The following RAB7A variants were observed in gnomAD, a reference collection of about 807,000 sequenced individuals.
RAB7A encodes ras-related protein Rab-7a.
In RAB7A, 2 loss-of-function variants were observed where a neutral mutation model predicts 24.5. That is an observed-to-expected ratio of 0.08 (90% CI 0.03 to 0.26). RAB7A has a LOEUF of 0.26. Among genes scored for constraint, RAB7A ranks in the 10% least tolerant of loss-of-function variants. The pLI, the probability that RAB7A is intolerant of heterozygous loss-of-function variation, is 1.00. For synonymous variants in RAB7A, 100 were observed against 95.9 expected (o/e 1.04, Z -0.25); for missense variants, 118 against 255.7 (o/e 0.46, Z 3.67).
intron 1 of RAB7A, among the ~76,000 whole-genome samples, chr3:128,789,783 G>C (rs1410163682): frequency 6.8e-6 from 1 of 147,998 alleles, no homozygotes; most frequent in African/African-American, 2.5e-5. Context: ...AGTGTGTTTT[G>C]TTCCTGGCTT....
At chr3:128,796,549 TAAC>T (rs1395530567) in intron 2 of RAB7A, among the ~76,000 whole-genome samples, 1 of 152,204 alleles carries the variant, frequency 6.6e-6, no homozygotes, top group East Asian at 1.9e-4. Context: ...TTTTTAAAAA[TAAC>T]AACAATAGCA....
chr3:128,803,610 TATC>T (rs1334019533), intron 3 of RAB7A, among the ~76,000 whole-genome samples: 5 of 152,224 alleles, frequency 3.3e-5, no homozygotes, highest in South Asian at 2.1e-4. Flanking sequence ...TAATGAGAGT[TATC>T]ATTGCAGCCT....
chr3:128,812,470 T>G (rs146254974), intron 5 of RAB7A, among the ~76,000 whole-genome samples: 1 of 152,226 alleles, frequency 6.6e-6, no homozygotes, highest in Non-Finnish European at 1.5e-5. Context: ...TTTATAGTTA[T>G]TGTGAATGGA....
intron 1 of RAB7A, among the ~76,000 whole-genome samples, chr3:128,760,183 AG>A (rs1451582075): frequency 6.6e-6 from 1 of 152,156 alleles, no homozygotes; most frequent in Non-Finnish European, 1.5e-5. Context: ...TGCTTAGAGA[AG>A]GAGGCTGAGC....
chr3:128,773,436 C>G (rs1158991354), intron 1 of RAB7A, among the ~76,000 whole-genome samples: 1 of 151,078 alleles, frequency 6.6e-6, no homozygotes, highest in Non-Finnish European at 1.5e-5. Flanking sequence ...GGGGGCAGCC[C>G]CCGCCCGGCC....
At chr3:128,805,887 G>C (rs568843249) in intron 3 of RAB7A, among the ~76,000 whole-genome samples, 1 of 152,072 alleles carries the variant, frequency 6.6e-6, no homozygotes, top group Non-Finnish European at 1.5e-5. Context: ...CCTGACCTCC[G>C]GTGATCCACT....
At chr3:128,735,399 A>C (rs761195029) in intron 1 of RAB7A, among the ~76,000 whole-genome samples, 3 of 152,250 alleles carry the variant, frequency 2.0e-5, no homozygotes, top group Non-Finnish European at 4.4e-5. Flanking sequence ...ATTTAAGTTC[A>C]ACCAAGTGGC....
chr3:128,756,767 A>C (rs1381539083), intron 1 of RAB7A, among the ~76,000 whole-genome samples: 1 of 152,112 alleles, frequency 6.6e-6, no homozygotes, highest in Non-Finnish European at 1.5e-5. Flanking sequence ...CTGCAAAGCT[A>C]CACCAATGAA....
chr3:128,809,756 A>G (rs9853930), intron 5 of RAB7A, among the ~76,000 whole-genome samples: 40,948 of 151,466 alleles, frequency 0.27, 6,999 homozygotes, highest in African/African-American at 0.48. Context: ...GAAATCATTC[A>G]GCTATGTTAC....
intron 1 of RAB7A, chr3:128,748,865 A>T (rs6789176): frequency 0.28 from 42,011 of 152,046 alleles, 7,455 homozygotes; most frequent in African/African-American, 0.5. Context: ...CACAAAGGTC[A>T]GTCTGACAAA....
chr3:128,791,804 G>A (rs557310039), intron 1 of RAB7A, among the ~76,000 whole-genome samples: 3 of 152,224 alleles, frequency 2.0e-5, no homozygotes, highest in Admixed American at 6.5e-5. Flanking sequence ...GTATTGAGTC[G>A]GCACAGTCTC....
At chr3:128,789,030 C>A (rs1442501903) in intron 1 of RAB7A, among the ~76,000 whole-genome samples, 1 of 152,200 alleles carries the variant, frequency 6.6e-6, no homozygotes, top group African/African-American at 2.4e-5. Context: ...GGTACCAATA[C>A]TGGTAGTTTC....
intron 1 of RAB7A, among the ~76,000 whole-genome samples, chr3:128,778,780 C>T (rs747076686): frequency 1.1e-4 from 17 of 152,298 alleles, no homozygotes; most frequent in Non-Finnish European, 1.5e-4. Context: ...GAAGTTAAGG[C>T]ATCTAGAAGC....
At chr3:128,773,578 C>G (rs1243917334) in intron 1 of RAB7A, among the ~76,000 whole-genome samples, 4 of 152,226 alleles carry the variant, frequency 2.6e-5, no homozygotes, top group Non-Finnish European at 5.9e-5. Context: ...GCCACCACCC[C>G]GTCTGGGAGG....
At chr3:128,780,076 A>G (rs915124305) in intron 1 of RAB7A, among the ~76,000 whole-genome samples, 1 of 152,236 alleles carries the variant, frequency 6.6e-6, no homozygotes, top group Non-Finnish European at 1.5e-5. Context: ...GGGGTCTTCA[A>G]ACTGGTTGCT....
chr3:128,791,360 C>T (rs371431160), intron 1 of RAB7A, among the ~76,000 whole-genome samples: 4 of 152,058 alleles, frequency 2.6e-5, no homozygotes, highest in Non-Finnish European at 5.9e-5. Flanking sequence ...AGGCTGGTCT[C>T]GAACTCCTGG....
intron 1 of RAB7A, among the ~76,000 whole-genome samples, chr3:128,730,911 G>A (rs1041799191): frequency 6.6e-6 from 1 of 152,178 alleles, no homozygotes; most frequent in African/African-American, 2.4e-5. Context: ...CTACAGTTGG[G>A]ACCAAGCAAA....
At chr3:128,791,095 C>A (rs1170572894) in intron 1 of RAB7A, among the ~76,000 whole-genome samples, 2 of 151,916 alleles carry the variant, frequency 1.3e-5, no homozygotes, top group African/African-American at 4.8e-5. Flanking sequence ...TGGGAAAAAT[C>A]TTTCAGGAAA....
intron 1 of RAB7A, among the ~76,000 whole-genome samples, chr3:128,776,030 A>C (rs530000333): frequency 1.3e-5 from 2 of 152,024 alleles, no homozygotes; most frequent in African/African-American, 4.8e-5. Context: ...TCCTTTGGCC[A>C]TTGTCTCCCC....
Sources: allele counts gnomAD v4.1 joint callset (sites outside exome capture counted in the v4.1 genomes callset), GRCh38; gene constraint gnomAD v4.1.1; transcripts MANE v1.5; gene names NCBI Gene and HGNC (gene_info 2026-07-23, HGNC 2026-07-21).